The following LIX1L variants were observed in gnomAD, a reference collection of about 807,000 sequenced individuals.
LIX1L encodes the protein limb and CNS expressed 1 like.
A neutral mutation model predicts 34.0 loss-of-function variants in LIX1L; 20 were observed. That is an observed-to-expected ratio of 0.59 (90% CI 0.41 to 0.85). The LOEUF (loss-of-function observed/expected upper bound fraction) is 0.85. Ranked by LOEUF, LIX1L falls within the 40% of genes least tolerant of loss-of-function variation. LIX1L has a pLI of 0.00. For missense variants in LIX1L, 397 were observed against 447.0 expected, an observed-to-expected ratio of 0.89 and a Z score of 1.01; for synonymous variants, 170 against 187.4, an observed-to-expected ratio of 0.91 and a Z score of 0.76.
chr1:145,956,042 C>T (rs1031688399), intron 1 of LIX1L, among the ~76,000 whole-genome samples: 1 of 152,198 alleles, frequency 6.6e-6, no homozygotes, highest in Non-Finnish European at 1.5e-5. Flanking sequence ...AGGCAAAGAC[C>T]TTCCCTTGAT....
intron 4 of LIX1L, 50 bp from the exon 5 acceptor site, chr1:145,937,035 G>C (rs1179989882): frequency 7.6e-7 from 1 of 1,314,060 alleles, no homozygotes; most frequent in Non-Finnish European, 1.1e-6. Context: ...TATATTGGGA[G>C]GTTGCATCAG....
chr1:145,937,861 C>T (rs1319635126), intron 3 of LIX1L, among the ~76,000 whole-genome samples, 162 bp from the exon 4 acceptor site: 1 of 152,188 alleles, frequency 6.6e-6, no homozygotes, highest in Non-Finnish European at 1.5e-5. Context: ...GGTGCAGTGG[C>T]TCATGCCTGT....
At chr1:145,942,510 A>G (rs1324118419) in intron 3 of LIX1L, among the ~76,000 whole-genome samples, 1 of 152,226 alleles carries the variant, frequency 6.6e-6, no homozygotes, top group Non-Finnish European at 1.5e-5. Flanking sequence ...AACAAAAAAC[A>G]CATAAACACA....
At chr1:145,946,449 G>T (rs587600401) in intron 2 of LIX1L, among the ~76,000 whole-genome samples, 1 of 151,938 alleles carries the variant, frequency 6.6e-6, no homozygotes, top group East Asian at 1.9e-4. Context: ...CACCCGCCTC[G>T]GCCTCCCAGA....
chr1:145,944,565 TAAAAA>T (rs1553759023), intron 2 of LIX1L: 2 of 152,268 alleles, frequency 1.3e-5, no homozygotes, highest in Non-Finnish European at 2.9e-5. Flanking sequence ...TGCTGTTGCT[TAAAAA>T]GTCATCTGTG....
At chr1:145,939,440 G>A (rs1648799253) in intron 3 of LIX1L, among the ~76,000 whole-genome samples, 1 of 151,614 alleles carries the variant, frequency 6.6e-6, no homozygotes, top group Non-Finnish European at 1.5e-5. Flanking sequence ...CACGTAGCTG[G>A]GACTACAGGT....
At chr1:145,954,227 C>G (rs1649394420) in intron 1 of LIX1L, among the ~76,000 whole-genome samples, 1 of 152,110 alleles carries the variant, frequency 6.6e-6, no homozygotes, top group African/African-American at 2.4e-5. Context: ...GAGCACGGCC[C>G]TGCCAACACC....
At chr1:145,945,035 G>GAA (rs782796234) in intron 2 of LIX1L, among the ~76,000 whole-genome samples, 3 of 115,780 alleles carry the variant, frequency 2.6e-5, no homozygotes, top group Non-Finnish European at 1.9e-5. Context: ...TCTCAAGAAA[G>GAA]AAAAAAAAAA....
intron 2 of LIX1L, among the ~76,000 whole-genome samples, chr1:145,946,103 CAAAAAACA>C (rs782586450): frequency 2.3e-4 from 34 of 146,626 alleles, no homozygotes; most frequent in African/African-American, 5.8e-4. Flanking sequence ...GACTCCATCT[CAAAAAACA>C]AAAAAACAAA....
Position 145,936,989 on chromosome 1 carries a change from G to A in LIX1L, c.694-4C>T, listed in dbSNP as rs782373432. 5 of 1,605,818 alleles carry A rather than the reference G, an allele frequency of 3.1e-6. No individual in the cohort carries two copies. The highest frequency in any genetic ancestry group is 2.6e-6 in the Non-Finnish European group (3 of 1,172,600). ...GTTGAAAAACTGTCATTAGCTCCTGGGGGAAGAGGATAGGAAGTACCAGGA... is the reference window on the plus strand; with the variant it reads ...GTTGAAAAACTGTCATTAGCTCCTGAGGGAAGAGGATAGGAAGTACCAGGA... On this transcript the variant is annotated splice_polypyrimidine_tract_variant and splice_region_variant and intron_variant, in intron 4 of 5. Transcript: ENST00000604000.
intron 1 of LIX1L, among the ~76,000 whole-genome samples, chr1:145,955,327 A>G (rs1271183918): frequency 6.6e-6 from 1 of 152,234 alleles, no homozygotes; most frequent in Non-Finnish European, 1.5e-5. Flanking sequence ...GTAAATACAT[A>G]CATACATACA....
intron 3 of LIX1L, chr1:145,940,055 C>T (rs903342159): frequency 3.3e-5 from 5 of 152,112 alleles, no homozygotes; most frequent in African/African-American, 1.2e-4. Flanking sequence ...CAACCTCCGC[C>T]TCCTGGTTCA....
In LIX1L at chr1:145,958,015, C is replaced by T; in HGVS notation, c.-88G>A. Reference sequence around the variant, plus strand: ...ACCCCAGTCAGCTAGCGCCTGGGGACTCAGGGCGGTGCCAGGGCCGAACCT... The same window carrying T: ...ACCCCAGTCAGCTAGCGCCTGGGGATTCAGGGCGGTGCCAGGGCCGAACCT... On this transcript the variant is annotated 5_prime_UTR_variant, in exon 1 of 6. Transcript: ENST00000604000. The T allele has an allele frequency of 3.2e-6, 3 of 936,424 alleles. No individual in the cohort carries two copies. The highest frequency in any genetic ancestry group is 4.4e-6 in the Non-Finnish European group (3 of 688,018). The allele number at this position is 936,424 out of a possible 1,614,324, so 58.0% of individuals were successfully genotyped here.
rs1358770784 is a variant in LIX1L at position 145,934,383 on chromosome 1, C to G, written c.*1927G>C. 6.6e-6 allele frequency: 1 copy of G among 151,958 alleles called. No homozygotes were observed. The highest frequency in any genetic ancestry group is 1.5e-5 in the Non-Finnish European group (1 of 68,024). The allele number at this position is 151,958 out of a possible 1,614,324, so 9.4% of individuals were successfully genotyped here. On this transcript the variant is annotated 3_prime_UTR_variant, in exon 6 of 6. Transcript: ENST00000604000. ...AGTCAGGAAATCGAGACCATCCTGT[C>G]AAACACGGTGAAACCCCGTCTCTAC...
At position 145,933,713 on chromosome 1, in the gene LIX1L, G is replaced by T. The variant is rs1411165770; in HGVS notation, c.*2597C>A. ...TATAAATGTCAAACAGACACACCTG[G>T]TGTGTCTAGCTGTTTTTGCCTTTAC... On this transcript the variant is annotated 3_prime_UTR_variant, in exon 6 of 6. Coordinates refer to ENST00000604000, the MANE Select transcript of LIX1L (RefSeq NM_153713.3). 1.3e-5 allele frequency: 2 copies of T among 152,132 alleles called. No individual in the cohort carries two copies. The highest frequency in any genetic ancestry group is 4.8e-5 in the African/African-American group (2 of 41,496). The allele number at this position is 152,132 out of a possible 1,614,324, so 9.4% of individuals were successfully genotyped here. A position where few individuals can be genotyped will look rare whatever the true frequency, so the allele number is the denominator to read the frequency against.
chr1:145,941,667 G>A (rs1486062848), intron 3 of LIX1L, among the ~76,000 whole-genome samples: 1 of 152,166 alleles, frequency 6.6e-6, no homozygotes, highest in East Asian at 1.9e-4. Context: ...ATTAAATTAA[G>A]TCAACTTGGG....
Position 145,957,744 on chromosome 1 carries a change from G to T in LIX1L, c.184C>A (p.Pro62Thr), listed in dbSNP as rs1553760600. 3 of 1,428,824 alleles carry T rather than the reference G, an allele frequency of 2.1e-6. No homozygotes were observed. The highest frequency in any genetic ancestry group is 2.7e-6 in the Non-Finnish European group (3 of 1,096,222). 88.5% of individuals were successfully genotyped at this position (1,428,824 alleles called of 1,614,324 possible). Reference protein sequence around the residue: ...PPPPLLLSGAPGLPLPPGAAG... With the variant: ...PPPPLLLSGATGLPLPPGAAG... ...GCGCCGGGGGGCAGGGGTAGTCCTG[G>T]GGCCCCAGACAGGAGCAGCGGCGGC... Residue 62 changes from proline (P) to threonine (T), a missense_variant, in exon 1 of 6, where the codon CCA becomes ACA. Pro to Thr is a conservative substitution (Grantham distance 38). This residue lies in a region of LIX1L where 207 missense variants were observed against 205.2 expected (regional missense o/e 1.01). Coordinates refer to ENST00000604000, the MANE Select transcript of LIX1L (RefSeq NM_153713.3).
intron 1 of LIX1L, 57 bp downstream of exon 1, chr1:145,957,579 G>T (rs2101912639): frequency 1.4e-6 from 2 of 1,405,400 alleles, no homozygotes; most frequent in South Asian, 3.2e-5. Context: ...GGAGGACTGT[G>T]GGAGCAAGGC....
chr1:145,935,026 G>C lies in LIX1L; in HGVS notation c.*1284C>G, dbSNP rs1209146755. 1 of 151,584 alleles carries C rather than the reference G, an allele frequency of 6.6e-6. No individual in the cohort carries two copies. Among genetic ancestry groups the C allele is most frequent in the Non-Finnish European group, 1.5e-5 (1 of 68,022 alleles). The allele number at this position is 151,584 out of a possible 1,614,324, so 9.4% of individuals were successfully genotyped here. A position where few individuals can be genotyped will look rare whatever the true frequency, so the allele number is the denominator to read the frequency against. On this transcript the variant is annotated 3_prime_UTR_variant, in exon 6 of 6. Transcript: ENST00000604000. ...TACTAAAAATATAAAAATTAGCCAG[G>C]CGTTGTGGCGTGTGCCTGTAATCCC...
Sources: gnomAD v4.1 joint callset for allele counts (sites outside exome capture counted in the v4.1 genomes callset) on GRCh38, gnomAD v4.1.1 for gene constraint, gnomAD v4.1.1 regional missense constraint, MANE v1.5 for transcripts, NCBI Gene and HGNC (gene_info 2026-07-23, HGNC 2026-07-21) for gene names.